Variants in ATRN observed in about 807,000 individuals in gnomAD.
ATRN encodes the protein attractin.
Under a neutral mutation model 178.7 loss-of-function variants are expected in ATRN, and 54 were observed. The observed-to-expected ratio is 0.30, with a 90% CI of 0.24 to 0.38. The LOEUF is 0.38. Among genes scored for constraint, ATRN ranks in the 10% least tolerant of loss-of-function variants. The pLI, the probability that ATRN is intolerant of heterozygous loss-of-function variation, is 1.00. For synonymous variants in ATRN, 636 were observed against 663.0 expected, an observed-to-expected ratio of 0.96 and a Z score of 0.63; for missense variants, 1,443 against 1,815.1, an observed-to-expected ratio of 0.79 and a Z score of 3.73.
At chr20:3,608,724 T>C (rs1351912144) in intron 24 of ATRN, among the ~76,000 whole-genome samples, 2 of 152,152 alleles carry the variant, frequency 1.3e-5, no homozygotes, top group Non-Finnish European at 2.9e-5. Flanking sequence ...CCCAGCACTT[T>C]GGGAGGCCGA....
At chr20:3,510,155 T>C (rs1378701509) in intron 1 of ATRN, among the ~76,000 whole-genome samples, 1 of 152,238 alleles carries the variant, frequency 6.6e-6, no homozygotes, top group Non-Finnish European at 1.5e-5. Flanking sequence ...TGTTTGTGTT[T>C]CATTCTGTCA....
chr20:3,537,502 A>C (rs1182655389), intron 2 of ATRN, among the ~76,000 whole-genome samples: 1 of 144,870 alleles, frequency 6.9e-6, no homozygotes, highest in African/African-American at 2.6e-5. Context: ...TTTTTTTTTT[A>C]CATTTTTTTA....
At chr20:3,553,380 A>T (rs575037223) in intron 6 of ATRN, among the ~76,000 whole-genome samples, 1 of 152,084 alleles carries the variant, frequency 6.6e-6, no homozygotes, top group South Asian at 2.1e-4. Flanking sequence ...CACCAAATAC[A>T]TGTCATATTT....
chr20:3,589,079 T>C (rs777892453), intron 18 of ATRN, among the ~76,000 whole-genome samples: 1 of 142,488 alleles, frequency 7.0e-6, no homozygotes, highest in Non-Finnish European at 1.5e-5. Context: ...GCCTCCAGGG[T>C]TCAAGTGATT....
chr20:3,595,788 C>G (rs2086520970), intron 20 of ATRN, among the ~76,000 whole-genome samples: 1 of 152,200 alleles, frequency 6.6e-6, no homozygotes, highest in African/African-American at 2.4e-5. Flanking sequence ...CCTCTTCATG[C>G]ATAGCTGTTG....
intron 25 of ATRN, among the ~76,000 whole-genome samples, chr20:3,626,777 A>C (rs911984899): frequency 5.9e-5 from 6 of 101,388 alleles, no homozygotes; most frequent in African/African-American, 8.9e-5. Flanking sequence ...CATATGAATT[A>C]TTTCTTTTTT....
intron 25 of ATRN, among the ~76,000 whole-genome samples, chr20:3,625,059 A>G (rs112565230): frequency 1.3e-5 from 2 of 152,306 alleles, no homozygotes; most frequent in African/African-American, 2.4e-5. Flanking sequence ...TTATGAAAAT[A>G]CTATAGACAA....
Position 3,597,888 on chromosome 20 carries a change from ATTTC to A in ATRN, c.3470-9_3470-6del. The A allele has an allele frequency of 6.7e-7, 1 of 1,490,698 alleles. No individual in the cohort carries two copies. Among genetic ancestry groups the A allele is most frequent in the Non-Finnish European group, 9.3e-7 (1 of 1,074,180 alleles). 92.3% of individuals were successfully genotyped at this position (1,490,698 alleles called of 1,614,324 possible). A position where few individuals can be genotyped will look rare whatever the true frequency, so the allele number is the denominator to read the frequency against. On this transcript the variant is annotated splice_polypyrimidine_tract_variant and intron_variant, in intron 21 of 28. Coordinates refer to ENST00000262919, the MANE Select transcript of ATRN (RefSeq NM_139321.3). ...GTGTGTGTTTAGTTTTTAAATATGC[ATTTC>A]TTTCTTTCCATAGATACTCTTCTTA... is the stretch of plus-strand genomic sequence containing the variant.
At chr20:3,506,421 C>T (rs903772689) in intron 1 of ATRN, among the ~76,000 whole-genome samples, 9 of 151,982 alleles carry the variant, frequency 5.9e-5, no homozygotes, top group South Asian at 2.1e-4. Context: ...GTCAGGAGTT[C>T]GAGACCAGCC....
Position 3,638,883 on chromosome 20 carries a change from TCGC to T in ATRN, c.4000_4002del (p.Ala1334del). On this transcript the variant is annotated inframe_deletion, in exon 27 of 29. Coordinates refer to ENST00000262919, the MANE Select transcript of ATRN (RefSeq NM_139321.3). The surrounding 1 kb of genome is among the most constrained non-coding windows in gnomAD (Gnocchi z 4.5). ...AGCCGTCCCTTTGCCTCTGTAAATG[TCGC>T]CTTGGAAACAGATGAGGAGCCTCCT... is the stretch of plus-strand genomic sequence containing the variant. The T allele has an allele frequency of 1.2e-6, 2 of 1,614,174 alleles. No homozygotes were observed. Among genetic ancestry groups the T allele is most frequent in the Non-Finnish European group, 1.7e-6 (2 of 1,180,024 alleles).
chr20:3,511,937 G>A (rs989647865), intron 1 of ATRN, among the ~76,000 whole-genome samples: 3 of 150,996 alleles, frequency 2.0e-5, no homozygotes, highest in African/African-American at 7.3e-5. Flanking sequence ...AAATATCAGA[G>A]GAGTTAATAA....
intron 12 of ATRN, among the ~76,000 whole-genome samples, chr20:3,574,990 C>T (rs1165370487): frequency 6.6e-6 from 1 of 150,502 alleles, no homozygotes; most frequent in African/African-American, 2.5e-5. Context: ...CAGAGTCTCA[C>T]TCTGTAGCCC....
intron 25 of ATRN, among the ~76,000 whole-genome samples, chr20:3,629,942 G>GTT (rs11481075): frequency 1.3e-5 from 2 of 151,864 alleles, no homozygotes; most frequent in Non-Finnish European, 2.9e-5. Flanking sequence ...ATCATTCTGA[G>GTT]TTTTTTTATT....
chr20:3,512,107 A>ATATATATATATATATATATATTTTTT, intron 1 of ATRN, among the ~76,000 whole-genome samples: 2 of 106,390 alleles, frequency 1.9e-5, no homozygotes, highest in African/African-American at 4.4e-5. Flanking sequence ...ATATATATAT[A>ATATATATATATATATATATATTTTTT]TTTTTTTTTT....
intron 1 of ATRN, among the ~76,000 whole-genome samples, chr20:3,508,615 A>C (rs1404702583): frequency 1.3e-5 from 2 of 152,220 alleles, no homozygotes; most frequent in African/African-American, 4.8e-5. Flanking sequence ...GAGGGGATTA[A>C]TCACCGGCAG....
chr20:3,516,534 A>G (rs1033059935), intron 1 of ATRN, among the ~76,000 whole-genome samples: 4 of 152,208 alleles, frequency 2.6e-5, no homozygotes, highest in Non-Finnish European at 5.9e-5. Context: ...TAGAATTAGT[A>G]AAATAAGTAG....
intron 26 of ATRN, among the ~76,000 whole-genome samples, chr20:3,636,673 G>A (rs1394124847): frequency 1.3e-5 from 2 of 152,194 alleles, no homozygotes; most frequent in African/African-American, 2.4e-5. Flanking sequence ...CTATGAAATA[G>A]GTATTGTCCC....
At chr20:3,574,086 A>G (rs1467408911) in intron 12 of ATRN, among the ~76,000 whole-genome samples, 2 of 152,214 alleles carry the variant, frequency 1.3e-5, no homozygotes, top group East Asian at 3.9e-4. Context: ...AATTAATTTA[A>G]AGTATGTTGG....
chr20:3,484,069 G>A (rs1254565074), intron 1 of ATRN, among the ~76,000 whole-genome samples: 3 of 151,992 alleles, frequency 2.0e-5, no homozygotes, highest in Non-Finnish European at 4.4e-5. Context: ...GCAACATAGG[G>A]AGACCCCATC....
Sources: gnomAD v4.1 joint callset for allele counts (sites outside exome capture counted in the v4.1 genomes callset) on GRCh38, gnomAD v4.1.1 for gene constraint, Gnocchi (gnomAD v3.1) non-coding constraint, MANE v1.5 for transcripts, NCBI Gene and HGNC (gene_info 2026-07-23, HGNC 2026-07-21) for gene names.